The following POC5 variants were observed in gnomAD, a reference collection of about 807,000 sequenced individuals.
POC5 encodes centrosomal protein POC5.
Under a neutral mutation model 62.9 loss-of-function variants are expected in POC5, and 48 were observed. The ratio of observed to expected loss-of-function variants is 0.76; its 90% confidence interval spans 0.61 to 0.97. The LOEUF (loss-of-function observed/expected upper bound fraction) is 0.97. Among genes scored for constraint, POC5 ranks in the 50% least tolerant of loss-of-function variants. The probability of loss-of-function intolerance (pLI) is 0.00; values close to 1 mark genes in which losing one functional copy is unlikely to be tolerated. For missense variants in POC5, 696 were observed against 679.5 expected (o/e 1.02, Z -0.27); for synonymous variants, 236 against 228.2 (o/e 1.03, Z -0.31).
At chr5:75,689,222 C>A in intron 8 of POC5, 57 bp from the exon 9 acceptor site, 1 of 1,449,362 alleles carries the variant, frequency 6.9e-7, no homozygotes, top group South Asian at 1.5e-5. Flanking sequence ...AGAATACTGT[C>A]AAAAAAATAG....
At chr5:75,684,363 A>ATTTTTTTTTTT (rs749361349) in intron 10 of POC5, among the ~76,000 whole-genome samples, 25 of 132,706 alleles carry the variant, frequency 1.9e-4, no homozygotes, top group African/African-American at 6.2e-4. Flanking sequence ...TTCCTACATA[A>ATTTTTTTTTTT]TTTTTTTTTT....
At chr5:75,713,487 A>G (rs1419858153) in intron 1 of POC5, among the ~76,000 whole-genome samples, 1 of 152,232 alleles carries the variant, frequency 6.6e-6, no homozygotes, top group African/African-American at 2.4e-5. Context: ...GACTATTCGA[A>G]CTATCTGAAT....
In POC5 at chr5:75,685,238, C is replaced by A; in HGVS notation, c.1376G>T (p.Gly459Val). The A allele has an allele frequency of 6.2e-7, 1 of 1,613,712 alleles. No homozygotes were observed. Among genetic ancestry groups the A allele is most frequent in the Non-Finnish European group, 8.5e-7 (1 of 1,179,742 alleles). ...VHVPVSALGA[G>V]SAATAASEEM... ...TTCTGATGCAGCAGTAGCTGCAGAT[C>A]CTGCACCAAGAGCAGAAACAGGAAC... Residue 459 changes from glycine to valine, a missense_variant, in exon 10 of 12, where the codon GGA (glycine) becomes GTA (valine). Physicochemically the swap from Gly to Val is moderately radical, Grantham distance 109. Coordinates refer to ENST00000428202, the MANE Select transcript of POC5 (RefSeq NM_001099271.2).
rs1442247275 is a variant in POC5 at position 75,677,776 on chromosome 5, C to T, written c.1582G>A (p.Val528Met). 1 of 1,602,280 alleles carries T rather than the reference C, an allele frequency of 6.2e-7. No homozygotes were observed. The highest frequency in any genetic ancestry group is 8.5e-7 in the Non-Finnish European group (1 of 1,174,226). Residue 528 changes from valine to methionine, a missense_variant and splice_region_variant, in exon 11 of 12, where the codon GTG (valine) becomes ATG (methionine). Physicochemically the swap from Val to Met is conservative, Grantham distance 21. Transcript: ENST00000428202. Reference sequence around the variant, plus strand: ...AAGGTCATCAAATGTGGACTCACCACTGTGACTGGATGATGTTTTTCCACA... The same window carrying T: ...AAGGTCATCAAATGTGGACTCACCATTGTGACTGGATGATGTTTTTCCACA... Reference protein sequence around the residue: ...VVVEKHHPVTVQTIPQATAAK... With the variant: ...VVVEKHHPVTMQTIPQATAAK...
In POC5 at chr5:75,676,547, C is replaced by CGG. The variant is rs58711993; in HGVS notation, c.1584+1225_1584+1226dup. Among the ~76,000 whole-genome samples, 6 of 151,914 alleles carry CGG rather than the reference C, an allele frequency of 3.9e-5. No individual in the cohort carries two copies. The East Asian group carries it at 9.7e-4, about 25-fold the overall frequency. On this transcript the variant is annotated intron_variant, in intron 11 of 11. Coordinates refer to ENST00000428202, the MANE Select transcript of POC5 (RefSeq NM_001099271.2). ...AATCATCTAGTGCCCAGCTAGTACT[C>CGG]GGGAAAAAAGGATTTAAAATCATTC...
intron 11 of POC5, among the ~76,000 whole-genome samples, chr5:75,675,654 A>G (rs889489651): frequency 6.6e-6 from 1 of 152,206 alleles, no homozygotes; most frequent in East Asian, 1.9e-4. Context: ...ACCATTATAA[A>G]TAGGAGATAC....
chr5:75,678,716 G>A (rs992890849), intron 10 of POC5, among the ~76,000 whole-genome samples: 1 of 151,832 alleles, frequency 6.6e-6, no homozygotes, highest in African/African-American at 2.4e-5. Context: ...AGCACATTTT[G>A]CAAAAGAAAA....
At chr5:75,702,962 T>G (rs935232939) in intron 4 of POC5, 152 bp from the exon 5 acceptor site, 1 of 636,312 alleles carries the variant, frequency 1.6e-6, no homozygotes, top group African/African-American at 1.8e-5. Flanking sequence ...TTAATCTATT[T>G]TTAATTTCAG....
intron 1 of POC5, among the ~76,000 whole-genome samples, 167 bp downstream of exon 1, chr5:75,717,139 G>T (rs1313684310): frequency 1.3e-5 from 2 of 152,124 alleles, no homozygotes; most frequent in African/African-American, 4.8e-5. Flanking sequence ...CTTCCTGCAC[G>T]CCTCGGAGGG....
chr5:75,674,320 G>T lies in POC5; in HGVS notation c.*115C>A. On this transcript the variant is annotated 3_prime_UTR_variant, in exon 12 of 12. Transcript: ENST00000428202. ...AAAAAGCCTCTTGTAATTTTGAACA[G>T]ATGAACATGATGTCTCCATGATGTT... The T allele has an allele frequency of 9.5e-7, 1 of 1,056,120 alleles. No homozygotes were observed. Among genetic ancestry groups the T allele is most frequent in the Non-Finnish European group, 1.3e-6 (1 of 751,252 alleles). The allele number at this position is 1,056,120 out of a possible 1,614,324, so 65.4% of individuals were successfully genotyped here.
At chr5:75,709,558 GT>G (rs1428820524) in intron 2 of POC5, 1 of 152,096 alleles carries the variant, frequency 6.6e-6, no homozygotes, top group East Asian at 1.9e-4. Context: ...CTAATTTTCT[GT>G]GTGGCTCCAG....
intron 5 of POC5, among the ~76,000 whole-genome samples, chr5:75,697,608 A>C (rs1087629): frequency 3.9e-4 from 59 of 152,306 alleles, no homozygotes; most frequent in Non-Finnish European, 7.2e-4. Context: ...AACATGCCAA[A>C]ATGTAAAGAC....
Position 75,701,463 on chromosome 5 carries a change from C to T in POC5, c.513+1142G>A, listed in dbSNP as rs1435672826. ...GAAATCATCATTCTCAGTAAACTAT[C>T]GCAAGAACAAAAAACCCAACACCGC... On this transcript the variant is annotated intron_variant, in intron 5 of 11. Transcript: ENST00000428202. Among the ~76,000 whole-genome samples, 8 of 138,188 alleles carry T rather than the reference C, an allele frequency of 5.8e-5. No individual in the cohort carries two copies. The East Asian group carries it at 1.0e-3, about 18-fold the overall frequency. 90.7% of individuals were successfully genotyped at this position (138,188 alleles called of 152,430 possible).
At position 75,696,863 on chromosome 5, in the gene POC5, A is replaced by G. The variant is rs1354553175; in HGVS notation, c.514-2032T>C. 7.9e-5 allele frequency among the ~76,000 whole-genome samples: 12 copies of G among 151,986 alleles called. No homozygotes were observed. The East Asian group carries it at 2.3e-3, about 29-fold the overall frequency. On this transcript the variant is annotated intron_variant, in intron 5 of 11. Coordinates refer to ENST00000428202, the MANE Select transcript of POC5 (RefSeq NM_001099271.2). ...ACCAATACAGAGAAGTGCTTAAAGG[A>G]GCTGATGGAGCTGAAAACCAAGGCT...
intron 5 of POC5, among the ~76,000 whole-genome samples, chr5:75,695,847 G>C (rs961423065): frequency 1.3e-5 from 2 of 152,134 alleles, no homozygotes; most frequent in African/African-American, 4.8e-5. Flanking sequence ...GCAGGACAGT[G>C]GGTGCATGCA....
chr5:75,715,619 G>T (rs995000549), intron 1 of POC5, among the ~76,000 whole-genome samples: 13 of 152,172 alleles, frequency 8.5e-5, no homozygotes, highest in African/African-American at 3.1e-4. Flanking sequence ...TTGAAGATGG[G>T]ATTTGAGTGG....
chr5:75,686,416 C>T (rs774156507), intron 9 of POC5, among the ~76,000 whole-genome samples: 2 of 152,182 alleles, frequency 1.3e-5, no homozygotes, highest in African/African-American at 2.4e-5. Flanking sequence ...TGGGCCTCTG[C>T]ATAAGTCCTT....
chr5:75,675,490 T>C (rs1775617144), intron 11 of POC5, among the ~76,000 whole-genome samples: 1 of 152,198 alleles, frequency 6.6e-6, no homozygotes, highest in Non-Finnish European at 1.5e-5. Context: ...CTCCAAGCTG[T>C]AGTTTTTGCT....
At chr5:75,680,870 A>G (rs1244921107) in intron 10 of POC5, among the ~76,000 whole-genome samples, 1 of 152,164 alleles carries the variant, frequency 6.6e-6, no homozygotes, top group Non-Finnish European at 1.5e-5. Context: ...TTGGCTCCAC[A>G]TTTAAAACCA....
Sources: allele counts gnomAD v4.1 joint callset (sites outside exome capture counted in the v4.1 genomes callset), GRCh38; gene constraint gnomAD v4.1.1; transcripts MANE v1.5; gene names NCBI Gene and HGNC (gene_info 2026-07-23, HGNC 2026-07-21).